The following BCL2L1 variants were observed in gnomAD, a reference collection of about 807,000 sequenced individuals.
The protein encoded by BCL2L1 is bcl-2-like protein 1.
In BCL2L1, 1 loss-of-function variant was observed where a neutral mutation model predicts 18.7. The observed-to-expected ratio is 0.05, with a 90% CI of 0.02 to 0.25. The LOEUF is 0.25. BCL2L1 is among the 10% of genes least tolerant of loss of function. The pLI, the probability that BCL2L1 is intolerant of heterozygous loss-of-function variation, is 1.00. For missense variants in BCL2L1, 207 were observed against 304.9 expected, an observed-to-expected ratio of 0.68 and a Z score of 2.39; for synonymous variants, 103 against 122.7, an observed-to-expected ratio of 0.84 and a Z score of 1.06.
At chr20:31,689,282 G>A (rs2061017326) in intron 2 of BCL2L1, among the ~76,000 whole-genome samples, 1 of 92,018 alleles carries the variant, frequency 1.1e-5, no homozygotes, top group East Asian at 3.0e-4. Flanking sequence ...GGAGGGCAGG[G>A]GAGGGGAGGG....
chr20:31,674,871 T>G (rs2060733029), intron 2 of BCL2L1, among the ~76,000 whole-genome samples: 1 of 110,998 alleles, frequency 9.0e-6, no homozygotes, highest in Non-Finnish European at 1.7e-5. Context: ...TGAGACCCCG[T>G]CTCAAAAAAA....
chr20:31,709,328 T>C (rs544467974), intron 2 of BCL2L1, among the ~76,000 whole-genome samples: 6 of 152,178 alleles, frequency 3.9e-5, no homozygotes, highest in South Asian at 4.1e-4. Flanking sequence ...TGTGTGTGTG[T>C]GCGCGCGTGC....
chr20:31,675,560 T>C (rs374467509), intron 2 of BCL2L1, among the ~76,000 whole-genome samples: 1 of 152,158 alleles, frequency 6.6e-6, no homozygotes, highest in Non-Finnish European at 1.5e-5. Context: ...AGGGGAGCTG[T>C]TGGCTCCCGA....
intron 2 of BCL2L1, among the ~76,000 whole-genome samples, chr20:31,672,861 C>CT (rs111836967): frequency 0.013 from 1,980 of 147,754 alleles, 34 homozygotes; most frequent in African/African-American, 0.046. Flanking sequence ...ACATTTCCTT[C>CT]TTTTTTTTTT....
At chr20:31,720,719 C>T (rs2061609966) in intron 2 of BCL2L1, 1 of 984,008 alleles carries the variant, frequency 1.0e-6, no homozygotes. Flanking sequence ...AGAAAGTAAC[C>T]CAGCCTGTCC....
intron 2 of BCL2L1, among the ~76,000 whole-genome samples, chr20:31,675,669 G>C (rs1019564401): frequency 6.6e-6 from 1 of 152,208 alleles, no homozygotes; most frequent in Non-Finnish European, 1.5e-5. Flanking sequence ...AGGGCAAAGA[G>C]AGGGGTGGCA....
chr20:31,668,003 C>A (rs2060612346), intron 2 of BCL2L1, among the ~76,000 whole-genome samples: 1 of 152,158 alleles, frequency 6.6e-6, no homozygotes, highest in Non-Finnish European at 1.5e-5. Flanking sequence ...CCACTCCTTA[C>A]TCTGGCCAGC....
At chr20:31,719,054 C>T (rs2061582810) in intron 2 of BCL2L1, among the ~76,000 whole-genome samples, 1 of 152,156 alleles carries the variant, frequency 6.6e-6, no homozygotes, top group Non-Finnish European at 1.5e-5. Flanking sequence ...GCACAAAGAC[C>T]TTCATGTGTA....
upstream of BCL2L1, chr20:31,723,767 C>T (rs560031213): frequency 2.0e-6 from 2 of 981,696 alleles, no homozygotes; most frequent in East Asian, 1.1e-4. Flanking sequence ...GGGGCCACAT[C>T]CCCCTTCATC....
intron 2 of BCL2L1, among the ~76,000 whole-genome samples, chr20:31,675,560 T>A (rs374467509): frequency 6.6e-6 from 1 of 152,276 alleles, no homozygotes; most frequent in East Asian, 1.9e-4. Flanking sequence ...AGGGGAGCTG[T>A]TGGCTCCCGA....
At chr20:31,674,788 T>C (rs750504920) in intron 2 of BCL2L1, among the ~76,000 whole-genome samples, 1 of 150,996 alleles carries the variant, frequency 6.6e-6, no homozygotes, top group Non-Finnish European at 1.5e-5. Context: ...AGTGGGAGAA[T>C]TGCTTGAGGC....
At chr20:31,702,375 G>A (rs1277263895) in intron 2 of BCL2L1, among the ~76,000 whole-genome samples, 3 of 152,142 alleles carry the variant, frequency 2.0e-5, no homozygotes, top group Non-Finnish European at 2.9e-5. Context: ...GATCACACCT[G>A]TAATCCCAGC....
intron 2 of BCL2L1, chr20:31,721,445 GGT>G (rs1418841988): frequency 6.9e-6 from 4 of 580,812 alleles, no homozygotes; most frequent in Non-Finnish European, 1.2e-5. Context: ...GGGTGACCAG[GGT>G]GAAAGATGCC....
intron 2 of BCL2L1, among the ~76,000 whole-genome samples, chr20:31,678,103 G>T (rs149620192): frequency 6.6e-6 from 1 of 152,194 alleles, no homozygotes; most frequent in East Asian, 1.9e-4. Flanking sequence ...TTCTAGAAAA[G>T]GCATCTTTTG....
intron 2 of BCL2L1, among the ~76,000 whole-genome samples, chr20:31,683,520 G>A (rs976599256): frequency 3.9e-5 from 6 of 152,116 alleles, no homozygotes; most frequent in Non-Finnish European, 8.8e-5. Context: ...TGTAATCCCA[G>A]CACTCTGGGA....
At chr20:31,685,552 T>C (rs2060942187) in intron 2 of BCL2L1, among the ~76,000 whole-genome samples, 1 of 152,206 alleles carries the variant, frequency 6.6e-6, no homozygotes, top group Non-Finnish European at 1.5e-5. Context: ...AAGTTCCACA[T>C]GGTCAGGTTC....
chr20:31,685,943 CATT>C (rs2060949137), intron 2 of BCL2L1, among the ~76,000 whole-genome samples: 1 of 152,132 alleles, frequency 6.6e-6, no homozygotes, highest in African/African-American at 2.4e-5. Flanking sequence ...AGGCCTTTGG[CATT>C]ATTATTATGC....
At chr20:31,689,574 C>G (rs902066797) in intron 2 of BCL2L1, among the ~76,000 whole-genome samples, 20 of 152,226 alleles carry the variant, frequency 1.3e-4, no homozygotes, top group African/African-American at 4.8e-4. Flanking sequence ...TGAAAATCCC[C>G]TCCCCAGTCT....
At chr20:31,677,573 T>C (rs1203377218) in intron 2 of BCL2L1, among the ~76,000 whole-genome samples, 1 of 152,220 alleles carries the variant, frequency 6.6e-6, no homozygotes, top group Non-Finnish European at 1.5e-5. Flanking sequence ...TAGTTAACTT[T>C]GAGTAAATGT....
Sources: allele counts gnomAD v4.1 joint callset (sites outside exome capture counted in the v4.1 genomes callset), GRCh38; gene constraint gnomAD v4.1.1; transcripts MANE v1.5; gene names NCBI Gene and HGNC (gene_info 2026-07-23, HGNC 2026-07-21).